HECTD4: variants seen among roughly 807,000 people sequenced by gnomAD.
HECTD4 encodes the protein HECT domain E3 ubiquitin protein ligase 4.
HECTD4 carries 114 observed loss-of-function variants against 471.5 expected under a neutral mutation model. That is an observed-to-expected ratio of 0.24 (90% CI 0.21 to 0.28). HECTD4 has a LOEUF of 0.28. Ranked by LOEUF, HECTD4 falls within the 10% of genes least tolerant of loss-of-function variation. HECTD4 has a pLI of 1.00. For missense variants in HECTD4, 3,866 were observed against 5,651.5 expected (o/e 0.68, Z 10.13); for synonymous variants, 2,012 against 2,256.0 (o/e 0.89, Z 3.07).
intron 1 of HECTD4, among the ~76,000 whole-genome samples, chr12:112,323,424 C>T (rs1444884723): frequency 6.6e-6 from 1 of 152,060 alleles, no homozygotes; most frequent in Non-Finnish European, 1.5e-5. Flanking sequence ...TCAGTGCCAG[C>T]TTATCAGATC....
At chr12:112,222,293 G>A (rs529861752) in intron 44 of HECTD4, among the ~76,000 whole-genome samples, 54 of 152,092 alleles carry the variant, frequency 3.6e-4, no homozygotes, top group African/African-American at 1.3e-3. Context: ...CTGACCTCAG[G>A]TAATCCACCT....
In HECTD4 at chr12:112,235,051, G is replaced by A; in HGVS notation, c.5915+26C>T. The stretch of plus-strand genomic sequence containing the variant: ...TGACATGGGTGGTGCTTGAGGATGT[G>A]TAGCTATCACAATCATTATGGTCAC... On this transcript the variant is annotated intron_variant, in intron 37 of 75. Coordinates refer to ENST00000682272, the MANE Select transcript of HECTD4 (RefSeq NM_001388303.1). This position sits in a 1 kb window ranked among gnomAD's most constrained non-coding sequence, Gnocchi z 5.0. 6.5e-7 allele frequency: 1 copy of A among 1,547,260 alleles called. No homozygotes were observed. Among genetic ancestry groups the A allele is most frequent in the Non-Finnish European group, 8.7e-7 (1 of 1,143,816 alleles).
At chr12:112,297,389 G>A (rs182993703) in intron 7 of HECTD4, among the ~76,000 whole-genome samples, 183 of 151,750 alleles carry the variant, frequency 1.2e-3, no homozygotes, top group Middle Eastern at 0.01. Context: ...GGTGCAGAAG[G>A]TATAGGTGCA....
At chr12:112,337,982 G>A (rs977613169) in intron 1 of HECTD4, among the ~76,000 whole-genome samples, 3 of 152,166 alleles carry the variant, frequency 2.0e-5, no homozygotes, top group Admixed American at 1.3e-4. Flanking sequence ...TGTGCCTACT[G>A]TAACAAATCA....
chr12:112,367,611 G>A (rs1365968066), intron 1 of HECTD4, among the ~76,000 whole-genome samples: 2 of 151,792 alleles, frequency 1.3e-5, no homozygotes, highest in Non-Finnish European at 2.9e-5. Context: ...TCTGAGGTCA[G>A]GAGTTCAAGA....
Position 112,163,056 on chromosome 12 carries a change from G to A in HECTD4, c.13106C>T (p.Pro4369Leu). 2 of 1,608,614 alleles carry A rather than the reference G, an allele frequency of 1.2e-6. No individual in the cohort carries two copies. Among genetic ancestry groups the A allele is most frequent in the Non-Finnish European group, 8.5e-7 (1 of 1,176,026 alleles). ...GAGGGCGGTACCTGCTGTGCCATCT[G>A]GGGGGGCGATCTTCATGGGGTACGG... ...VPPYPMKIAPPDGTAGSPDSR... is the reference protein window; with the variant it reads ...VPPYPMKIAPLDGTAGSPDSR... The change falls in exon 75 of 76, where the codon CCA (proline) becomes CTA (leucine). Residue 4369 changes from proline (P) to leucine (L), a missense_variant. Coordinates refer to ENST00000682272, the MANE Select transcript of HECTD4 (RefSeq NM_001388303.1). This position sits in a 1 kb window ranked among gnomAD's most constrained non-coding sequence, Gnocchi z 8.2.
In HECTD4 at chr12:112,163,812, T is replaced by C; in HGVS notation, c.12702-75A>G. 2 of 1,290,964 alleles carry C rather than the reference T, an allele frequency of 1.5e-6. No individual in the cohort carries two copies. The highest frequency in any genetic ancestry group is 1.8e-5 in the South Asian group (1 of 56,898). The allele number at this position is 1,290,964 out of a possible 1,614,324, so 80.0% of individuals were successfully genotyped here. A position where few individuals can be genotyped will look rare whatever the true frequency, so the allele number is the denominator to read the frequency against. ...GGTCTGGGGGCCACACCCACTCAGC[T>C]GGAGGTCCCGGATCCTCTCTTGGGA... On this transcript the variant is annotated intron_variant, in intron 73 of 75. Coordinates refer to ENST00000682272, the MANE Select transcript of HECTD4 (RefSeq NM_001388303.1). The surrounding 1 kb of genome is among the most constrained non-coding windows in gnomAD (Gnocchi z 8.2).
chr12:112,354,684 A>G (rs147066279), intron 1 of HECTD4, among the ~76,000 whole-genome samples: 191 of 152,182 alleles, frequency 1.3e-3, no homozygotes, highest in African/African-American at 4.3e-3. Flanking sequence ...GACTGTCTCA[A>G]CAAAACAAAA....
At chr12:112,191,021 G>A (rs1346568640) in intron 59 of HECTD4, 56 bp from the exon 60 acceptor site, 2 of 1,447,562 alleles carry the variant, frequency 1.4e-6, no homozygotes, top group Non-Finnish European at 1.9e-6. Flanking sequence ...ACCCAAATAA[G>A]CCTCACAAAA....
chr12:112,233,213 GCT>G, intron 37 of HECTD4, 128 bp from the exon 38 acceptor site: 9 of 336,122 alleles, frequency 2.7e-5, no homozygotes, highest in South Asian at 1.2e-4. Context: ...ACTAACATTA[GCT>G]TTTTTTTTTT....
chr12:112,371,165 G>A (rs1185060489), intron 1 of HECTD4, among the ~76,000 whole-genome samples: 1 of 152,294 alleles, frequency 6.6e-6, no homozygotes, highest in African/African-American at 2.4e-5. Flanking sequence ...CAAGAAGACA[G>A]ATAATAATCA....
At position 112,195,706 on chromosome 12, in the gene HECTD4, A is replaced by G. The variant is rs529994231; in HGVS notation, c.8568-640T>C. Reference sequence around the variant, plus strand: ...ATGGTTGGACAACTTTGTGAATATAATAAAAACCACTGACTTGTGTACTTT... The same window carrying G: ...ATGGTTGGACAACTTTGTGAATATAGTAAAAACCACTGACTTGTGTACTTT... On this transcript the variant is annotated intron_variant, in intron 55 of 75. Coordinates refer to ENST00000682272, the MANE Select transcript of HECTD4 (RefSeq NM_001388303.1). Among the ~76,000 whole-genome samples the G allele has an allele frequency of 1.8e-4, 27 of 152,350 alleles. No individual in the cohort carries two copies. In the East Asian group the frequency reaches 4.8e-3, roughly 27 times the overall value.
chr12:112,306,688 A>C (rs1386376209), intron 6 of HECTD4, among the ~76,000 whole-genome samples: 2 of 152,212 alleles, frequency 1.3e-5, no homozygotes, highest in Non-Finnish European at 2.9e-5. Flanking sequence ...CCTAACGGAA[A>C]GCCTAACTCA....
rs891740659 is a variant in HECTD4, at chr12:112,319,723, T to G, written c.197A>C (p.Lys66Thr). The G allele has an allele frequency of 6.4e-6, 8 of 1,247,832 alleles. No homozygotes were observed. The highest frequency in any genetic ancestry group is 8.0e-6 in the Non-Finnish European group (8 of 996,714). The allele number at this position is 1,247,832 out of a possible 1,614,324, so 77.3% of individuals were successfully genotyped here. The part of the protein sequence containing the change: ...TDLEILTFET[K>T]NPSELAERLR... ...ACGTTCTGCTAATTCCGACGGGTTC[T>G]TGGTCTCAAAGGTTAAAATCTAAGG... Residue 66 changes from lysine (K) to threonine (T), a missense_variant, in exon 2 of 76, where the codon AAG becomes ACG. Coordinates refer to ENST00000682272, the MANE Select transcript of HECTD4 (RefSeq NM_001388303.1). The surrounding 1 kb of genome is among the most constrained non-coding windows in gnomAD (Gnocchi z 5.3).
chr12:112,232,200 G>C (rs1202358635), intron 38 of HECTD4, among the ~76,000 whole-genome samples: 5 of 152,030 alleles, frequency 3.3e-5, no homozygotes, highest in African/African-American at 7.2e-5. Flanking sequence ...GTGCGATCTC[G>C]GCTCACTGCA....
At position 112,293,914 on chromosome 12, in the gene HECTD4, C is replaced by T. The variant is rs79399826; in HGVS notation, c.1336-10612G>A. On this transcript the variant is annotated intron_variant, in intron 7 of 75. Coordinates refer to ENST00000682272, the MANE Select transcript of HECTD4 (RefSeq NM_001388303.1). The stretch of plus-strand genomic sequence containing the variant: ...TTAGTTTTCTTTCTTTTTTTGTGGG[C>T]GGGGAGGCAAGGTCTCACTCTGTCA... Among the ~76,000 whole-genome samples the T allele has an allele frequency of 7.5e-3, 1,144 of 151,862 alleles. 14 individuals carry two copies. Among genetic ancestry groups the T allele is most frequent in the African/African-American group, 0.025 (1,050 of 41,418 alleles).
In HECTD4 at chr12:112,252,469, A is replaced by G. The variant is rs2033914617; in HGVS notation, c.3507T>C (p.Thr1169=). 2 of 1,612,868 alleles carry G rather than the reference A, an allele frequency of 1.2e-6. No homozygotes were observed. The highest frequency in any genetic ancestry group is 1.7e-6 in the Non-Finnish European group (2 of 1,179,426). ...CAAAGCCCCACATGGCTTTATCAGG[A>G]GTGTTGTGTTCACGGCCACTTCTCA... The part of the protein sequence containing the change: ...FEMRSGREHN[T]PDKAMWGFAC... Residue 1169 remains threonine (T), a synonymous_variant, in exon 23 of 76, where the codon ACT becomes ACC. Coordinates refer to ENST00000682272, the MANE Select transcript of HECTD4 (RefSeq NM_001388303.1).
intron 1 of HECTD4, among the ~76,000 whole-genome samples, chr12:112,380,218 G>A (rs1041330885): frequency 6.6e-6 from 1 of 152,176 alleles, no homozygotes; most frequent in African/African-American, 2.4e-5. Flanking sequence ...GCCAAGGCAG[G>A]CAGATCACTT....
intron 1 of HECTD4, among the ~76,000 whole-genome samples, chr12:112,330,739 GA>G (rs369564513): frequency 8.6e-4 from 131 of 152,302 alleles, no homozygotes; most frequent in African/African-American, 3.0e-3. Flanking sequence ...TAAATTCCAA[GA>G]ATAATCCTCT....
Sources: gnomAD v4.1 joint callset for allele counts (sites outside exome capture counted in the v4.1 genomes callset) on GRCh38, gnomAD v4.1.1 for gene constraint, Gnocchi (gnomAD v3.1) non-coding constraint, MANE v1.5 for transcripts, NCBI Gene and HGNC (gene_info 2026-07-23, HGNC 2026-07-21) for gene names.